CD28: variants seen among roughly 807,000 people sequenced by gnomAD.
CD28 encodes the protein CD28 molecule.
Under a neutral mutation model 21.4 loss-of-function variants are expected in CD28, and 8 were observed. That is an observed-to-expected ratio of 0.37 (90% confidence interval 0.22 to 0.68). CD28 has a LOEUF of 0.68. Ranked by LOEUF, CD28 falls within the 30% of genes least tolerant of loss-of-function variation. The pLI, the probability that CD28 is intolerant of heterozygous loss-of-function variation, is 0.55. For synonymous variants in CD28, 106 were observed against 104.0 expected (o/e 1.02, Z -0.12); for missense variants, 239 against 272.2 (o/e 0.88, Z 0.86).
chr2:203,719,746 G>A (rs1390172597), intron 1 of CD28, among the ~76,000 whole-genome samples: 3 of 152,160 alleles, frequency 2.0e-5, no homozygotes, highest in Admixed American at 1.3e-4. Flanking sequence ...GCATTTTATA[G>A]CCCTGTGAAT....
chr2:203,707,166 G>GTTTC (rs1274062026), intron 1 of CD28, among the ~76,000 whole-genome samples: 1 of 151,778 alleles, frequency 6.6e-6, no homozygotes, highest in South Asian at 2.1e-4. Flanking sequence ...TTTATGTATC[G>GTTTC]TTTCTTTCTT....
rs1172818308 is a variant in CD28, at chr2:203,736,624, T to C, written c.*1712T>C. On this transcript the variant is annotated 3_prime_UTR_variant, in exon 4 of 4. Transcript: ENST00000324106. Reference sequence around the variant, plus strand: ...GAATATGCCTGGGGACCTTGAAGAATGGCCCTTCAGTGGCCCTCACCATTT... The same window carrying C: ...GAATATGCCTGGGGACCTTGAAGAACGGCCCTTCAGTGGCCCTCACCATTT... 2.0e-5 allele frequency: 3 copies of C among 152,248 alleles called. No homozygotes were observed. Among genetic ancestry groups the C allele is most frequent in the Non-Finnish European group, 4.4e-5 (3 of 68,054 alleles). The allele number at this position is 152,248 out of a possible 1,614,324, so 9.4% of individuals were successfully genotyped here.
At chr2:203,717,776 C>T (rs1404532871) in intron 1 of CD28, among the ~76,000 whole-genome samples, 3 of 152,142 alleles carry the variant, frequency 2.0e-5, no homozygotes, top group African/African-American at 4.8e-5. Context: ...GGAACCAACA[C>T]CCCATGGATC....
At chr2:203,725,286 G>A (rs1239123399) in intron 1 of CD28, among the ~76,000 whole-genome samples, 3 of 121,554 alleles carry the variant, frequency 2.5e-5, no homozygotes, top group African/African-American at 6.4e-5. Context: ...GCGAAACTCC[G>A]TCTCCAGAAA....
chr2:203,725,678 CAGAG>C (rs1326675236), intron 1 of CD28, among the ~76,000 whole-genome samples: 1 of 151,976 alleles, frequency 6.6e-6, no homozygotes, highest in East Asian at 1.9e-4. Flanking sequence ...GATGATGGAC[CAGAG>C]AGATAACTCC....
At chr2:203,723,166 A>G (rs1325999990) in intron 1 of CD28, among the ~76,000 whole-genome samples, 2 of 152,150 alleles carry the variant, frequency 1.3e-5, no homozygotes, top group African/African-American at 4.8e-5. Context: ...AAGTGGGGGA[A>G]CTTTTAAGAT....
At chr2:203,725,571 T>C (rs939699129) in intron 1 of CD28, among the ~76,000 whole-genome samples, 4 of 152,230 alleles carry the variant, frequency 2.6e-5, no homozygotes, top group East Asian at 3.8e-4. Context: ...TCTTCACTTA[T>C]GGAGTTGATA....
chr2:203,707,564 T>G (rs996255499), intron 1 of CD28, among the ~76,000 whole-genome samples: 8 of 152,194 alleles, frequency 5.3e-5, no homozygotes, highest in Non-Finnish European at 8.8e-5. Flanking sequence ...CAAAATGTAT[T>G]TTCTTAGATT....
intron 1 of CD28, 122 bp downstream of exon 1, chr2:203,706,870 A>G: frequency 4.1e-6 from 3 of 730,436 alleles, no homozygotes; most frequent in Non-Finnish European, 7.1e-6. Context: ...TTTTGCTGTA[A>G]TAGGGCAATG....
chr2:203,714,512 C>T (rs971997449), intron 1 of CD28, among the ~76,000 whole-genome samples: 4 of 152,026 alleles, frequency 2.6e-5, no homozygotes, highest in African/African-American at 9.7e-5. Context: ...TTTTTTCAAA[C>T]TCAAAAGCTA....
chr2:203,735,028 AC>A lies in CD28; in HGVS notation c.*118del, dbSNP rs752011627. 8 of 1,253,578 alleles carry A rather than the reference AC, an allele frequency of 6.4e-6. No homozygotes were observed. The highest frequency in any genetic ancestry group is 7.8e-6 in the Non-Finnish European group (7 of 903,062). The allele number at this position is 1,253,578 out of a possible 1,614,324, so 77.7% of individuals were successfully genotyped here. ...GGCCACCTCAGGCCCCTGTTGGGCC[AC>A]CAATGCCAATTTTTCTCGAGTGACT... is the stretch of plus-strand genomic sequence containing the variant. On this transcript the variant is annotated 3_prime_UTR_variant, in exon 4 of 4. Transcript: ENST00000324106.
At position 203,734,979 on chromosome 2, in the gene CD28, A is replaced by G; in HGVS notation, c.*67A>G. On this transcript the variant is annotated 3_prime_UTR_variant, in exon 4 of 4. Transcript: ENST00000324106. Reference sequence around the variant, plus strand: ...TCTGCTCAATATCACTGCTCTGGATAGGAAATGACCGCCATCTCCAGCCGG... The same window carrying G: ...TCTGCTCAATATCACTGCTCTGGATGGGAAATGACCGCCATCTCCAGCCGG... 6.4e-7 allele frequency: 1 copy of G among 1,559,360 alleles called. No homozygotes were observed. The highest frequency in any genetic ancestry group is 8.7e-7 in the Non-Finnish European group (1 of 1,151,054).
chr2:203,733,421 G>A (rs1163747622), intron 3 of CD28, among the ~76,000 whole-genome samples: 1 of 151,732 alleles, frequency 6.6e-6, no homozygotes, highest in Non-Finnish European at 1.5e-5. Flanking sequence ...GAGAAACACT[G>A]GTAAAAAAAA....
chr2:203,731,923 T>C (rs1693904669), intron 3 of CD28, among the ~76,000 whole-genome samples: 1 of 152,220 alleles, frequency 6.6e-6, no homozygotes. Context: ...AAACTACCAC[T>C]TATCTGCATC....
At chr2:203,706,938 CT>C (rs1273594783) in intron 1 of CD28, among the ~76,000 whole-genome samples, 190 bp downstream of exon 1, 1 of 151,976 alleles carries the variant, frequency 6.6e-6, no homozygotes, top group Non-Finnish European at 1.5e-5. Context: ...ACAAAAGTCC[CT>C]TGGAAATAAA....
chr2:203,733,687 TG>T (rs1251126435), intron 3 of CD28, among the ~76,000 whole-genome samples: 3 of 152,020 alleles, frequency 2.0e-5, no homozygotes, highest in Admixed American at 6.6e-5. Flanking sequence ...GGATAAAAAC[TG>T]GGATGTCATA....
intron 1 of CD28, 30 bp from the exon 2 acceptor site, chr2:203,726,603 T>G: frequency 6.6e-7 from 1 of 1,523,128 alleles, no homozygotes; most frequent in Non-Finnish European, 9.0e-7. Context: ...TATATTCTTG[T>G]TCTAAGCAAA....
At chr2:203,707,648 C>G (rs554374183) in intron 1 of CD28, among the ~76,000 whole-genome samples, 1 of 152,246 alleles carries the variant, frequency 6.6e-6, no homozygotes, top group Middle Eastern at 3.4e-3. Flanking sequence ...ACACAGTTCT[C>G]GTAACTAGAA....
At position 203,735,082 on chromosome 2, in the gene CD28, C is replaced by G. The variant is rs199553976; in HGVS notation, c.*170C>G. 4.2e-6 allele frequency: 3 copies of G among 711,596 alleles called. No homozygotes were observed. The highest frequency in any genetic ancestry group is 6.8e-6 in the Non-Finnish European group (3 of 440,146). The allele number at this position is 711,596 out of a possible 1,614,324, so 44.1% of individuals were successfully genotyped here. A position where few individuals can be genotyped will look rare whatever the true frequency, so the allele number is the denominator to read the frequency against. ...ACCAAATATCAAGATCATTTTGAGACTCTGAAATGAAGTAAAAGAGATTTC... is the reference window on the plus strand; with the variant it reads ...ACCAAATATCAAGATCATTTTGAGAGTCTGAAATGAAGTAAAAGAGATTTC... On this transcript the variant is annotated 3_prime_UTR_variant, in exon 4 of 4. Coordinates refer to ENST00000324106, the MANE Select transcript of CD28 (RefSeq NM_006139.4).
Sources: allele counts gnomAD v4.1 joint callset (sites outside exome capture counted in the v4.1 genomes callset), GRCh38; gene constraint gnomAD v4.1.1; transcripts MANE v1.5; gene names NCBI Gene and HGNC (gene_info 2026-07-23, HGNC 2026-07-21).